The following SLC22A14 variants were observed in gnomAD, a reference collection of about 807,000 sequenced individuals.
SLC22A14 encodes solute carrier family 22 member 14.
A neutral mutation model predicts 53.9 loss-of-function variants in SLC22A14; 50 were observed. The ratio of observed to expected loss-of-function variants is 0.93; its 90% CI spans 0.74 to 1.17. SLC22A14 has a LOEUF of 1.17. Ranked by LOEUF, SLC22A14 falls within the 50% of genes most tolerant of loss-of-function variation. The pLI, the probability that SLC22A14 is intolerant of heterozygous loss-of-function variation, is 0.00. For synonymous variants in SLC22A14, 312 were observed against 303.0 expected (o/e 1.03, Z -0.31); for missense variants, 671 against 734.7 (o/e 0.91, Z 1.00).
chr3:38,282,736 G>A (rs966511901), intron 1 of SLC22A14, among the ~76,000 whole-genome samples: 3 of 152,136 alleles, frequency 2.0e-5, no homozygotes, highest in African/African-American at 7.2e-5. Flanking sequence ...GGGGGATGCT[G>A]AAGCGGTCCC....
rs537065183 is a variant in SLC22A14, at chr3:38,287,902, T to A, written c.-1+5563T>A. 3.5e-3 allele frequency among the ~76,000 whole-genome samples: 526 copies of A among 152,366 alleles called. 21 individuals carry two copies. Among genetic ancestry groups the A allele is most frequent in the Admixed American group, 0.034 (524 of 15,302 alleles). On this transcript the variant is annotated intron_variant, in intron 1 of 10. Transcript: ENST00000448498. The stretch of plus-strand genomic sequence containing the variant: ...TTTATCATTATTTTACACATAGGTC[T>A]TGTGCATATTTTTAAACCATTTTTT...
At chr3:38,304,312 C>T (rs1190172094) in intron 1 of SLC22A14, among the ~76,000 whole-genome samples, 2 of 152,202 alleles carry the variant, frequency 1.3e-5, no homozygotes, top group Non-Finnish European at 2.9e-5. Context: ...GCTGGGTATA[C>T]AATTCTATGT....
At chr3:38,312,767 GGTCAGGGTGTTACCTAGCAGCA>G (rs1704503127) in intron 5 of SLC22A14, among the ~76,000 whole-genome samples, 1 of 152,222 alleles carries the variant, frequency 6.6e-6, no homozygotes. Context: ...GGCAGCCGGT[GGTCAGGGTGTTACCTAGCAGCA>G]GTGGAGGCCA....
upstream of SLC22A14, among the ~76,000 whole-genome samples, chr3:38,281,889 G>A (rs1349100450): frequency 6.6e-6 from 1 of 152,192 alleles, no homozygotes; most frequent in Non-Finnish European, 1.5e-5. Flanking sequence ...TCTGGCAGAG[G>A]AGGCTTCTAG....
At chr3:38,283,850 A>G (rs945868466) in intron 1 of SLC22A14, among the ~76,000 whole-genome samples, 1 of 152,106 alleles carries the variant, frequency 6.6e-6, no homozygotes, top group Non-Finnish European at 1.5e-5. Context: ...AACAACAACA[A>G]CAATAATAAC....
At chr3:38,308,919 G>A (rs777457132) in intron 4 of SLC22A14, 35 bp from the exon 5 acceptor site, 48 of 1,603,804 alleles carry the variant, frequency 3.0e-5, no homozygotes, top group Admixed American at 2.5e-4. Context: ...GGACCCTGAC[G>A]TAACCATGGT....
chr3:38,294,964 GT>G (rs1703994927), intron 1 of SLC22A14, among the ~76,000 whole-genome samples: 1 of 152,184 alleles, frequency 6.6e-6, no homozygotes, highest in Non-Finnish European at 1.5e-5. Flanking sequence ...TTGAGATAAA[GT>G]TTTTTGATTC....
chr3:38,308,642 C>T (rs1482283987), intron 4 of SLC22A14, among the ~76,000 whole-genome samples: 1 of 152,178 alleles, frequency 6.6e-6, no homozygotes, highest in Non-Finnish European at 1.5e-5. Flanking sequence ...TGTGTCAGGC[C>T]ACGTGTCTGG....
chr3:38,295,142 G>C (rs1246895632), intron 1 of SLC22A14, among the ~76,000 whole-genome samples: 2 of 152,102 alleles, frequency 1.3e-5, no homozygotes, highest in African/African-American at 4.8e-5. Flanking sequence ...CTATTGTCCT[G>C]TCCTGAAGGG....
intron 8 of SLC22A14, among the ~76,000 whole-genome samples, chr3:38,315,185 AGGGGT>A: frequency 6.6e-6 from 1 of 152,264 alleles, no homozygotes; most frequent in African/African-American, 2.4e-5. Flanking sequence ...AGCCCTGAGC[AGGGGT>A]CCCAACCCAC....
chr3:38,294,778 T>C (rs1365666932), intron 1 of SLC22A14, among the ~76,000 whole-genome samples: 2 of 152,078 alleles, frequency 1.3e-5, no homozygotes, highest in East Asian at 3.8e-4. Flanking sequence ...TGGTTTCTAG[T>C]GGTACTTTAC....
At chr3:38,291,488 C>T (rs533399218) in intron 1 of SLC22A14, among the ~76,000 whole-genome samples, 6 of 152,260 alleles carry the variant, frequency 3.9e-5, no homozygotes, top group Admixed American at 2.0e-4. Context: ...AGTGAGTATG[C>T]CATTTATATC....
chr3:38,289,691 G>A (rs773457257), intron 1 of SLC22A14, among the ~76,000 whole-genome samples: 3 of 152,200 alleles, frequency 2.0e-5, no homozygotes, highest in Admixed American at 6.5e-5. Context: ...AGCCCGATCC[G>A]GAGTGGCAAT....
chr3:38,307,155 C>T lies in SLC22A14; in HGVS notation c.517-99C>T. 1.2e-6 allele frequency: 1 copy of T among 831,660 alleles called. No individual in the cohort carries two copies. The allele number at this position is 831,660 out of a possible 1,614,324, so 51.5% of individuals were successfully genotyped here. ...GCTGCACACTGTTAACTGCCCCTAC[C>T]CCAGGTCCCCTTGGCCTATAGGTCC... On this transcript the variant is annotated intron_variant, in intron 2 of 10. Coordinates refer to ENST00000448498, the MANE Select transcript of SLC22A14 (RefSeq NM_001320033.2). This position sits in a 1 kb window ranked among gnomAD's most constrained non-coding sequence, Gnocchi z 4.4.
At chr3:38,300,273 C>T (rs80197408) in intron 1 of SLC22A14, among the ~76,000 whole-genome samples, 9,758 of 152,132 alleles carry the variant, frequency 0.064, 373 homozygotes, top group East Asian at 0.16. Context: ...AACTCTATAT[C>T]TACCAAAAAT....
chr3:38,288,507 A>C (rs2125871456), intron 1 of SLC22A14, among the ~76,000 whole-genome samples: 1 of 152,314 alleles, frequency 6.6e-6, no homozygotes, highest in African/African-American at 2.4e-5. Context: ...GGACCATCAT[A>C]CTGTTTTCCA....
intron 1 of SLC22A14, among the ~76,000 whole-genome samples, chr3:38,286,673 A>T (rs1414387318): frequency 4.6e-5 from 7 of 151,244 alleles, no homozygotes; most frequent in African/African-American, 1.7e-4. Flanking sequence ...CGACCTCCCA[A>T]AGTGCTGGGA....
At chr3:38,289,989 T>C (rs1214350420) in intron 1 of SLC22A14, among the ~76,000 whole-genome samples, 1 of 152,224 alleles carries the variant, frequency 6.6e-6, no homozygotes, top group Non-Finnish European at 1.5e-5. Context: ...TCTCAGGCAA[T>C]AGATGATTGG....
chr3:38,313,203 T>C (rs928851093), intron 6 of SLC22A14, 84 bp downstream of exon 6: 2 of 1,563,934 alleles, frequency 1.3e-6, no homozygotes, highest in Admixed American at 1.8e-5. Context: ...AGGTGGGACA[T>C]TGGTCCAGAG....
Sources: allele counts gnomAD v4.1 joint callset (sites outside exome capture counted in the v4.1 genomes callset), GRCh38; gene constraint gnomAD v4.1.1; non-coding constraint Gnocchi (gnomAD v3.1); transcripts MANE v1.5; gene names NCBI Gene and HGNC (gene_info 2026-07-23, HGNC 2026-07-21).